ARHGAP32: variants seen among roughly 807,000 people sequenced by gnomAD.
ARHGAP32 encodes the protein Rho GTPase activating protein 32.
ARHGAP32 carries 51 observed loss-of-function variants against 186.5 expected under a neutral mutation model. That is an observed-to-expected ratio of 0.27 (90% CI 0.22 to 0.35). The LOEUF is 0.35. ARHGAP32 is among the 10% of genes least tolerant of loss of function. ARHGAP32 has a pLI of 1.00. For missense variants in ARHGAP32, 2,186 were observed against 2,623.5 expected, an observed-to-expected ratio of 0.83 and a Z score of 3.64; for synonymous variants, 950 against 964.3, an observed-to-expected ratio of 0.99 and a Z score of 0.27.
At chr11:129,129,519 C>A (rs1448337056) in intron 2 of ARHGAP32, among the ~76,000 whole-genome samples, 2 of 152,244 alleles carry the variant, frequency 1.3e-5, no homozygotes, top group African/African-American at 4.8e-5. Flanking sequence ...CCGGCCGCCA[C>A]CTGTCTGGGA....
intron 5 of ARHGAP32, 141 bp from the exon 6 acceptor site, chr11:129,093,848 A>G (rs1174176701): frequency 9.4e-6 from 6 of 638,974 alleles, no homozygotes; most frequent in Non-Finnish European, 1.7e-5. Context: ...TGAGAACTTC[A>G]TTGCTTAAGG....
chr11:129,088,725 A>G (rs143940270), intron 6 of ARHGAP32, among the ~76,000 whole-genome samples: 1 of 152,150 alleles, frequency 6.6e-6, no homozygotes, highest in East Asian at 1.9e-4. Flanking sequence ...CAAAATTTTA[A>G]TTTGCTAATT....
At chr11:129,022,413 T>C (rs1490411701) in intron 11 of ARHGAP32, among the ~76,000 whole-genome samples, 1 of 152,096 alleles carries the variant, frequency 6.6e-6, no homozygotes, top group Non-Finnish European at 1.5e-5. Context: ...AAAGTTTCTA[T>C]ATTTGGTGAG....
At chr11:128,991,767 C>T (rs909400583) in intron 12 of ARHGAP32, among the ~76,000 whole-genome samples, 3 of 152,090 alleles carry the variant, frequency 2.0e-5, no homozygotes, top group East Asian at 1.9e-4. Context: ...CATCATACGA[C>T]AACAGAATAA....
At chr11:129,101,420 T>C (rs752231860) in intron 5 of ARHGAP32, among the ~76,000 whole-genome samples, 1 of 151,818 alleles carries the variant, frequency 6.6e-6, no homozygotes, top group Non-Finnish European at 1.5e-5. Context: ...GCTACAGGAG[T>C]ACACTAAAAC....
chr11:129,092,542 C>T (rs1477569315), intron 6 of ARHGAP32, among the ~76,000 whole-genome samples: 1 of 151,920 alleles, frequency 6.6e-6, no homozygotes, highest in Non-Finnish European at 1.5e-5. Context: ...CCTACATTCT[C>T]AAAGAAGCCA....
chr11:128,995,637 G>A (rs985988585), intron 12 of ARHGAP32, among the ~76,000 whole-genome samples: 2 of 152,206 alleles, frequency 1.3e-5, no homozygotes, highest in Admixed American at 6.5e-5. Context: ...CCAGGAGTTC[G>A]AGATCAGCCT....
intron 1 of ARHGAP32, among the ~76,000 whole-genome samples, chr11:129,235,940 C>G (rs944472158): frequency 7.1e-6 from 1 of 140,690 alleles, no homozygotes; most frequent in Non-Finnish European, 1.6e-5. Context: ...CACACACACA[C>G]TCACACACAT....
chr11:129,206,170 T>C (rs528924125), intron 1 of ARHGAP32, among the ~76,000 whole-genome samples: 1 of 152,274 alleles, frequency 6.6e-6, no homozygotes, highest in African/African-American at 2.4e-5. Flanking sequence ...ACCACAAATA[T>C]CCACTCAAGG....
intron 5 of ARHGAP32, among the ~76,000 whole-genome samples, chr11:129,099,546 G>A (rs1237451519): frequency 2.0e-5 from 3 of 152,116 alleles, no homozygotes; most frequent in Non-Finnish European, 4.4e-5. Context: ...GTGGTTACAG[G>A]AGATACACTT....
intron 2 of ARHGAP32, among the ~76,000 whole-genome samples, chr11:129,147,502 G>A (rs1391636236): frequency 6.6e-6 from 1 of 152,138 alleles, no homozygotes; most frequent in Non-Finnish European, 1.5e-5. Context: ...CACCTCTGAG[G>A]ATTGCCTGAT....
rs1228515797 is a variant in ARHGAP32, at chr11:128,972,974, C to A, written c.3532G>T (p.Ala1178Ser). The A allele has an allele frequency of 6.2e-7, 1 of 1,613,972 alleles. No homozygotes were observed. The highest frequency in any genetic ancestry group is 1.1e-5 in the South Asian group (1 of 91,062). Residue 1178 changes from alanine (A) to serine (S), a missense_variant, in exon 22 of 23, where the codon GCC becomes TCC. Physicochemically the swap from Ala to Ser is moderately conservative, Grantham distance 99. This residue lies in a region of ARHGAP32 where 1,502 missense variants were observed against 1,570.0 expected (regional missense o/e 0.96). Transcript: ENST00000682385. ...QAYLSGDPEK[A>S]RITSVPLDSE... ...TCTAAGGGAACTGAAGTAATTCTGG[C>A]CTTTTCTGGGTCCCCAGATAAATAT...
At chr11:129,010,212 A>C (rs928377905) in intron 11 of ARHGAP32, among the ~76,000 whole-genome samples, 2 of 152,108 alleles carry the variant, frequency 1.3e-5, no homozygotes, top group African/African-American at 4.8e-5. Flanking sequence ...ATATGGATAG[A>C]CTGCAAACAT....
At chr11:129,184,526 TAA>T (rs1944119897) in intron 1 of ARHGAP32, among the ~76,000 whole-genome samples, 1 of 152,038 alleles carries the variant, frequency 6.6e-6, no homozygotes, top group East Asian at 1.9e-4. Flanking sequence ...TGAAATTAGC[TAA>T]GAGAACAAGT....
chr11:129,245,413 C>T (rs1456218954), intron 1 of ARHGAP32, among the ~76,000 whole-genome samples: 4 of 147,042 alleles, frequency 2.7e-5, no homozygotes, highest in Non-Finnish European at 5.9e-5. Flanking sequence ...ATCACATGGA[C>T]ACAGGAAGGG....
intron 12 of ARHGAP32, among the ~76,000 whole-genome samples, chr11:128,989,923 G>GTA (rs1347190903): frequency 6.6e-6 from 1 of 152,070 alleles, no homozygotes; most frequent in African/African-American, 2.4e-5. Context: ...GTATTCCATG[G>GTA]TATATATGTG....
intron 2 of ARHGAP32, among the ~76,000 whole-genome samples, chr11:129,147,466 T>C (rs1203657068): frequency 6.6e-6 from 1 of 152,218 alleles, no homozygotes. Flanking sequence ...AAAAAGTTAC[T>C]GAATGTTCTT....
chr11:128,968,192 C>A lies in ARHGAP32; in HGVS notation c.*715G>T, dbSNP rs372969028. The stretch of plus-strand genomic sequence containing the variant: ...AAAGTCCATTCTGTCATGATATGAG[C>A]CTGTTCACTGAACCGTGAGGAACAA... On this transcript the variant is annotated 3_prime_UTR_variant, in exon 23 of 23. Coordinates refer to ENST00000682385, the MANE Select transcript of ARHGAP32 (RefSeq NM_001378024.1). 1 of 151,964 alleles carries A rather than the reference C, an allele frequency of 6.6e-6. No individual in the cohort carries two copies. The highest frequency in any genetic ancestry group is 1.5e-5 in the Non-Finnish European group (1 of 67,988). 9.4% of individuals were successfully genotyped at this position (151,964 alleles called of 1,614,324 possible).
intron 5 of ARHGAP32, among the ~76,000 whole-genome samples, chr11:129,122,480 C>T (rs900977162): frequency 3.3e-5 from 5 of 152,080 alleles, no homozygotes; most frequent in Admixed American, 1.3e-4. Flanking sequence ...ATCAGTTCTT[C>T]CTGACCTAAG....
Sources: gnomAD v4.1 joint callset for allele counts (sites outside exome capture counted in the v4.1 genomes callset) on GRCh38, gnomAD v4.1.1 for gene constraint, gnomAD v4.1.1 regional missense constraint, MANE v1.5 for transcripts, NCBI Gene and HGNC (gene_info 2026-07-23, HGNC 2026-07-21) for gene names.